The following EPHB2 variants were observed in gnomAD, a reference collection of about 807,000 sequenced individuals.
The protein encoded by EPHB2 is EPH receptor B2.
EPHB2 carries 18 observed loss-of-function variants against 96.4 expected under a neutral mutation model. The observed-to-expected ratio is 0.19, with a 90% CI of 0.13 to 0.28. The LOEUF is 0.28. EPHB2 is among the 10% of genes least tolerant of loss of function. The probability of loss-of-function intolerance (pLI) is 1.00; values close to 1 mark genes in which losing one functional copy is unlikely to be tolerated. For synonymous variants in EPHB2, 506 were observed against 534.1 expected, an observed-to-expected ratio of 0.95 and a Z score of 0.72; for missense variants, 989 against 1,355.4, an observed-to-expected ratio of 0.73 and a Z score of 4.25.
chr1:22,839,094 G>A (rs1645427957), intron 3 of EPHB2, among the ~76,000 whole-genome samples: 1 of 152,184 alleles, frequency 6.6e-6, no homozygotes, highest in Non-Finnish European at 1.5e-5. Flanking sequence ...AGCTTTCCCA[G>A]GATATCAGAA....
At chr1:22,791,863 C>T (rs114329846) in intron 3 of EPHB2, among the ~76,000 whole-genome samples, 152 of 152,164 alleles carry the variant, frequency 1.0e-3, no homozygotes, top group African/African-American at 3.5e-3. Context: ...CATTTCTAGG[C>T]GTGGAATTGT....
intron 3 of EPHB2, among the ~76,000 whole-genome samples, chr1:22,834,636 A>G (rs1349191181): frequency 6.6e-6 from 1 of 152,138 alleles, no homozygotes; most frequent in African/African-American, 2.4e-5. Context: ...AAAAAAAAAA[A>G]TGGCAAGGCC....
At chr1:22,722,238 C>T (rs1643484201) in intron 1 of EPHB2, among the ~76,000 whole-genome samples, 1 of 152,120 alleles carries the variant, frequency 6.6e-6, no homozygotes, top group African/African-American at 2.4e-5. Context: ...CTCAAGTGAT[C>T]CACCTGCCTC....
chr1:22,870,186 C>T (rs1311788473), intron 5 of EPHB2, among the ~76,000 whole-genome samples: 4 of 152,182 alleles, frequency 2.6e-5, no homozygotes, highest in Non-Finnish European at 4.4e-5. Flanking sequence ...GGGCCTTGCT[C>T]GCAATCCCTT....
chr1:22,745,269 A>G (rs1024095092), intron 1 of EPHB2, among the ~76,000 whole-genome samples: 24 of 152,344 alleles, frequency 1.6e-4, no homozygotes, highest in African/African-American at 5.8e-4. Context: ...AAAAAAGAAC[A>G]ACAAGCTGCT....
At position 22,906,241 on chromosome 1, in the gene EPHB2, T is replaced by C; in HGVS notation, c.1888+132T>C. On this transcript the variant is annotated intron_variant, in intron 10 of 15. Coordinates refer to ENST00000374630, the MANE Select transcript of EPHB2 (RefSeq NM_017449.5). This position sits in a 1 kb window ranked among gnomAD's most constrained non-coding sequence, Gnocchi z 4.8. ...AAAGGACCCCCCAAGGCCTGAAGGT[T>C]CAGAATGACCATGAAAGAAGGGCCC... is the stretch of plus-strand genomic sequence containing the variant. 7.1e-7 allele frequency: 1 copy of C among 1,409,636 alleles called. No homozygotes were observed. Among genetic ancestry groups the C allele is most frequent in the South Asian group, 1.2e-5 (1 of 81,708 alleles). 87.3% of individuals were successfully genotyped at this position (1,409,636 alleles called of 1,614,324 possible).
chr1:22,735,975 G>A (rs1162244690), intron 1 of EPHB2, among the ~76,000 whole-genome samples: 1 of 152,156 alleles, frequency 6.6e-6, no homozygotes, highest in Non-Finnish European at 1.5e-5. Context: ...TTCAAATCCT[G>A]GCTTACACCT....
intron 1 of EPHB2, among the ~76,000 whole-genome samples, chr1:22,719,128 G>T (rs1345215922): frequency 1.3e-5 from 2 of 152,180 alleles, no homozygotes; most frequent in African/African-American, 4.8e-5. Context: ...GTTGTAAGGG[G>T]CGCCTCCACA....
chr1:22,888,682 T>C (rs1461508147), intron 6 of EPHB2, among the ~76,000 whole-genome samples: 2 of 152,318 alleles, frequency 1.3e-5, no homozygotes, highest in East Asian at 1.9e-4. Context: ...CCGAAGGGAA[T>C]TGGCGTCTCT....
intron 1 of EPHB2, among the ~76,000 whole-genome samples, chr1:22,754,365 C>T (rs564416787): frequency 4.6e-5 from 7 of 152,292 alleles, no homozygotes; most frequent in East Asian, 1.9e-4. Context: ...GTCCATATCC[C>T]GCCATAAATA....
intron 3 of EPHB2, among the ~76,000 whole-genome samples, chr1:22,827,958 G>A (rs1570349544): frequency 6.6e-6 from 1 of 152,226 alleles, no homozygotes; most frequent in East Asian, 1.9e-4. Context: ...CAGAGCCAGG[G>A]CTATAAACGT....
chr1:22,794,085 T>C (rs1275135861), intron 3 of EPHB2, among the ~76,000 whole-genome samples: 2 of 152,100 alleles, frequency 1.3e-5, no homozygotes, highest in Non-Finnish European at 2.9e-5. Context: ...TTTGCTTACC[T>C]GGGAAATGGA....
At chr1:22,754,987 CT>C (rs1404401332) in intron 1 of EPHB2, among the ~76,000 whole-genome samples, 5 of 21,566 alleles carry the variant, frequency 2.3e-4, no homozygotes, top group African/African-American at 6.8e-4. Flanking sequence ...GGCCTGTGCC[CT>C]AGAGACAGCT....
At chr1:22,884,220 A>T (rs1020874223) in intron 6 of EPHB2, among the ~76,000 whole-genome samples, 6 of 152,188 alleles carry the variant, frequency 3.9e-5, no homozygotes, top group South Asian at 4.1e-4. Context: ...TGAAAAAGGG[A>T]ACTGGCTGGG....
chr1:22,773,804 A>G (rs1312480534), intron 1 of EPHB2, among the ~76,000 whole-genome samples: 2 of 152,184 alleles, frequency 1.3e-5, no homozygotes, highest in African/African-American at 4.8e-5. Flanking sequence ...TGCTCCCACT[A>G]CATGGGACGG....
intron 1 of EPHB2, among the ~76,000 whole-genome samples, chr1:22,759,651 C>T (rs758702305): frequency 4.2e-4 from 64 of 152,178 alleles, no homozygotes; most frequent in Admixed American, 2.4e-3. Flanking sequence ...TATACCAACA[C>T]CTCTGCCCAG....
At chr1:22,841,022 G>C (rs911189874) in intron 3 of EPHB2, among the ~76,000 whole-genome samples, 4 of 152,174 alleles carry the variant, frequency 2.6e-5, no homozygotes, top group African/African-American at 9.7e-5. Flanking sequence ...AGGAGACTAA[G>C]TAGCAATTAC....
chr1:22,872,834 C>G (rs1239752580), intron 5 of EPHB2, among the ~76,000 whole-genome samples: 1 of 152,252 alleles, frequency 6.6e-6, no homozygotes, highest in Non-Finnish European at 1.5e-5. Flanking sequence ...TCACCTACTT[C>G]TCTCCCTGGG....
At chr1:22,747,945 G>A (rs922631672) in intron 1 of EPHB2, among the ~76,000 whole-genome samples, 2 of 152,330 alleles carry the variant, frequency 1.3e-5, no homozygotes, top group African/African-American at 2.4e-5. Flanking sequence ...ACACTGTGGT[G>A]GAGCTGTGTG....
Sources: gnomAD v4.1 joint callset for allele counts (sites outside exome capture counted in the v4.1 genomes callset) on GRCh38, gnomAD v4.1.1 for gene constraint, Gnocchi (gnomAD v3.1) non-coding constraint, MANE v1.5 for transcripts, NCBI Gene and HGNC (gene_info 2026-07-23, HGNC 2026-07-21) for gene names.